SLX4IP: variants seen among roughly 807,000 people sequenced by gnomAD.
SLX4IP encodes the protein SLX4 interacting protein.
Under a neutral mutation model 32.9 loss-of-function variants are expected in SLX4IP, and 34 were observed. The ratio of observed to expected loss-of-function variants is 1.03; its 90% CI spans 0.79 to 1.38. SLX4IP has a LOEUF of 1.38. SLX4IP is among the 40% of genes most tolerant of loss of function. SLX4IP has a pLI of 0.00. For synonymous variants in SLX4IP, 172 were observed against 171.7 expected, an observed-to-expected ratio of 1.00 and a Z score of -0.01; for missense variants, 444 against 479.0, an observed-to-expected ratio of 0.93 and a Z score of 0.68.
At chr20:10,608,893 T>C (rs2066935072) in intron 6 of SLX4IP, among the ~76,000 whole-genome samples, 1 of 152,134 alleles carries the variant, frequency 6.6e-6, no homozygotes, top group African/African-American at 2.4e-5. Context: ...CCCAAGAAAC[T>C]CGACTCCCTA....
At chr20:10,539,645 T>C (rs1166852155) in intron 2 of SLX4IP, among the ~76,000 whole-genome samples, 2 of 152,214 alleles carry the variant, frequency 1.3e-5, no homozygotes, top group East Asian at 1.9e-4. Context: ...GTGAAAGTTA[T>C]GGAATTTACT....
At chr20:10,563,868 C>G (rs76415963) in intron 4 of SLX4IP, among the ~76,000 whole-genome samples, 1 of 152,158 alleles carries the variant, frequency 6.6e-6, no homozygotes, top group Non-Finnish European at 1.5e-5. Flanking sequence ...CTTTTGCTCA[C>G]AGTTGCTTTG....
chr20:10,477,595 A>G (rs1186027871), intron 2 of SLX4IP, among the ~76,000 whole-genome samples: 1 of 152,102 alleles, frequency 6.6e-6, no homozygotes, highest in Non-Finnish European at 1.5e-5. Context: ...GCTATTGCAC[A>G]GTTGTCAGAT....
rs1461441500 is a variant in SLX4IP at position 10,623,334 on chromosome 20, G to T, written c.1182G>T (p.Gln394His). Reference protein sequence around the residue: ...ATNTERLSTIQNSPTKKRKKY... With the variant: ...ATNTERLSTIHNSPTKKRKKY... ...ACACTGAAAGATTATCTACAATTCAGAACAGCCCAACCAAGAAAAGAAAGA... is the reference window on the plus strand; with the variant it reads ...ACACTGAAAGATTATCTACAATTCATAACAGCCCAACCAAGAAAAGAAAGA... The change falls in exon 8 of 8, where the codon CAG becomes CAT. Residue 394 changes from glutamine to histidine, a missense_variant. Gln to His is a conservative substitution (Grantham distance 24, BLOSUM62 0). Coordinates refer to ENST00000334534, the MANE Select transcript of SLX4IP (RefSeq NM_001009608.3). The T allele has an allele frequency of 8.7e-6, 14 of 1,613,676 alleles. No individual in the cohort carries two copies. Among genetic ancestry groups the T allele is most frequent in the Non-Finnish European group, 1.2e-5 (14 of 1,179,950 alleles).
intron 2 of SLX4IP, among the ~76,000 whole-genome samples, chr20:10,477,958 G>A (rs1024365904): frequency 1.3e-5 from 2 of 151,024 alleles, no homozygotes; most frequent in African/African-American, 4.9e-5. Context: ...AGTGGGAGTG[G>A]CGTGATCTTG....
intron 2 of SLX4IP, among the ~76,000 whole-genome samples, chr20:10,469,712 C>G (rs1305847609): frequency 6.6e-6 from 1 of 152,070 alleles, no homozygotes; most frequent in African/African-American, 2.4e-5. Context: ...ATCATTGTTC[C>G]AATGTTTTAT....
intron 2 of SLX4IP, among the ~76,000 whole-genome samples, chr20:10,492,116 C>T (rs1465350646): frequency 6.6e-6 from 1 of 152,118 alleles, no homozygotes; most frequent in Non-Finnish European, 1.5e-5. Flanking sequence ...ATTTATTTAC[C>T]CGTTTCTGCT....
chr20:10,589,088 G>A (rs951544107), intron 4 of SLX4IP, among the ~76,000 whole-genome samples: 2 of 151,998 alleles, frequency 1.3e-5, no homozygotes, highest in African/African-American at 4.8e-5. Flanking sequence ...CCCCAATAAA[G>A]GTGGGGAAAA....
At chr20:10,618,746 C>T (rs1191368662) in intron 6 of SLX4IP, among the ~76,000 whole-genome samples, 3 of 152,234 alleles carry the variant, frequency 2.0e-5, no homozygotes, top group African/African-American at 7.2e-5. Context: ...TCCCGTAAGC[C>T]CAGAAGGCAC....
At chr20:10,537,738 T>A (rs1450098627) in intron 2 of SLX4IP, among the ~76,000 whole-genome samples, 1 of 152,224 alleles carries the variant, frequency 6.6e-6, no homozygotes, top group African/African-American at 2.4e-5. Context: ...AGTTTTACCC[T>A]TATGCAAATG....
intron 6 of SLX4IP, among the ~76,000 whole-genome samples, chr20:10,619,621 G>A (rs1600163889): frequency 6.6e-6 from 1 of 152,108 alleles, no homozygotes; most frequent in African/African-American, 2.4e-5. Context: ...AATAGCAAAA[G>A]GCTTTCTGGT....
chr20:10,538,291 A>AC (rs73618124), intron 2 of SLX4IP, among the ~76,000 whole-genome samples: 89,245 of 151,724 alleles, frequency 0.59, 26,689 homozygotes, highest in South Asian at 0.75. Flanking sequence ...AAGGTTTTAG[A>AC]CAAGGTTTCT....
chr20:10,560,029 T>A (rs924128693), intron 3 of SLX4IP, among the ~76,000 whole-genome samples: 2 of 152,254 alleles, frequency 1.3e-5, no homozygotes, highest in Non-Finnish European at 2.9e-5. Context: ...TTTAGATTTT[T>A]AAAAATTTTT....
At chr20:10,533,842 A>ACTCCTGGCTTCAAGTGGTC (rs1872646392) in intron 2 of SLX4IP, among the ~76,000 whole-genome samples, 1 of 150,126 alleles carries the variant, frequency 6.7e-6, no homozygotes, top group African/African-American at 2.5e-5. Flanking sequence ...CTGGTCTTGA[A>ACTCCTGGCTTCAAGTGGTC]CTCCTGGCTT....
chr20:10,573,477 C>A (rs1390164813), intron 4 of SLX4IP, among the ~76,000 whole-genome samples: 1 of 152,158 alleles, frequency 6.6e-6, no homozygotes, highest in Non-Finnish European at 1.5e-5. Context: ...TCAGTTATTA[C>A]AATGGGCAGT....
intron 2 of SLX4IP, among the ~76,000 whole-genome samples, chr20:10,475,569 T>C (rs1000964903): frequency 1.3e-5 from 2 of 152,298 alleles, no homozygotes; most frequent in East Asian, 1.9e-4. Flanking sequence ...CTTTGAGAAG[T>C]GGGATTCTGG....
intron 4 of SLX4IP, among the ~76,000 whole-genome samples, chr20:10,573,920 A>G (rs1810703319): frequency 6.6e-6 from 1 of 152,252 alleles, no homozygotes; most frequent in African/African-American, 2.4e-5. Flanking sequence ...GCAAATGCCA[A>G]TAAGTTGTCT....
intron 2 of SLX4IP, among the ~76,000 whole-genome samples, chr20:10,523,277 G>A (rs567467790): frequency 9.2e-5 from 14 of 152,094 alleles, no homozygotes; most frequent in Non-Finnish European, 1.2e-4. Context: ...TCCTCCTGGT[G>A]GAAGTTTATA....
chr20:10,570,537 T>C (rs1601015392), intron 4 of SLX4IP, among the ~76,000 whole-genome samples: 2 of 151,908 alleles, frequency 1.3e-5, no homozygotes, highest in South Asian at 2.1e-4. Flanking sequence ...TTTTTTTTTT[T>C]CTTTTTTTTG....
Sources: allele counts gnomAD v4.1 joint callset (sites outside exome capture counted in the v4.1 genomes callset), GRCh38; gene constraint gnomAD v4.1.1; transcripts MANE v1.5; gene names NCBI Gene and HGNC (gene_info 2026-07-23, HGNC 2026-07-21).